The following SYT1 variants were observed in gnomAD, a reference collection of about 807,000 sequenced individuals.
SYT1 encodes synaptotagmin-1.
A neutral mutation model predicts 44.8 loss-of-function variants in SYT1; 8 were observed. That is an observed-to-expected ratio of 0.18 (90% CI 0.10 to 0.32). SYT1 has a LOEUF of 0.32. SYT1 is among the 10% of genes least tolerant of loss of function. SYT1 has a pLI of 1.00. For synonymous variants in SYT1, 154 were observed against 188.8 expected, an observed-to-expected ratio of 0.82 and a Z score of 1.51; for missense variants, 286 against 509.3, an observed-to-expected ratio of 0.56 and a Z score of 4.22.
In SYT1 at chr12:79,416,228, A is replaced by G. The variant is rs116347467; in HGVS notation, c.929-27845A>G. The stretch of plus-strand genomic sequence containing the variant: ...CAAGGCAGAGAAACAAGTTCAGGGA[A>G]TTGAATAAGAAACGGTGTCACAGTC... On this transcript the variant is annotated intron_variant, in intron 9 of 10. Coordinates refer to ENST00000261205, the MANE Select transcript of SYT1 (RefSeq NM_005639.3). 2.5e-3 allele frequency among the ~76,000 whole-genome samples: 377 copies of G among 152,312 alleles called. 1 individual carries two copies. The highest frequency in any genetic ancestry group is 8.7e-3 in the African/African-American group (362 of 41,578).
At position 79,299,370 on chromosome 12, in the gene SYT1, G is replaced by A; in HGVS notation, c.643-14G>A. 5 of 1,611,172 alleles carry A rather than the reference G, an allele frequency of 3.1e-6. No individual in the cohort carries two copies. The highest frequency in any genetic ancestry group is 4.2e-6 in the Non-Finnish European group (5 of 1,178,790). On this transcript the variant is annotated splice_polypyrimidine_tract_variant and intron_variant, in intron 7 of 10. Transcript: ENST00000261205. Reference sequence around the variant, plus strand: ...TTGTGACTGGATATTTTATCCTCATGTCTTTTAATTTAGGTACCATACTCG... The same window carrying A: ...TTGTGACTGGATATTTTATCCTCATATCTTTTAATTTAGGTACCATACTCG...
chr12:79,181,520 C>T (rs1308295497), intron 3 of SYT1, among the ~76,000 whole-genome samples: 2 of 151,236 alleles, frequency 1.3e-5, no homozygotes, highest in Non-Finnish European at 3.0e-5. Flanking sequence ...TTTTTTTCTT[C>T]CAGGGCCCCC....
At chr12:78,964,250 G>C (rs758840949) in intron 1 of SYT1, 1 of 152,122 alleles carries the variant, frequency 6.6e-6, no homozygotes, top group Non-Finnish European at 1.5e-5. Context: ...AGTATAATTT[G>C]AAAAGTTTTC....
chr12:79,043,764 C>A (rs1420803566), intron 2 of SYT1, among the ~76,000 whole-genome samples: 1 of 152,166 alleles, frequency 6.6e-6, no homozygotes, highest in Non-Finnish European at 1.5e-5. Flanking sequence ...GCGGCTGGTG[C>A]CAGTTGTTCC....
chr12:79,117,764 T>C (rs1389400644), intron 3 of SYT1, among the ~76,000 whole-genome samples: 1 of 140,892 alleles, frequency 7.1e-6, no homozygotes, highest in Admixed American at 7.3e-5. Context: ...CATTAACACA[T>C]GTAAGAGCTA....
intron 3 of SYT1, among the ~76,000 whole-genome samples, chr12:79,054,476 A>C (rs1874780427): frequency 2.6e-5 from 4 of 152,048 alleles, no homozygotes. Context: ...CCTAAAGGAG[A>C]AAAACAATAT....
chr12:79,027,439 G>T (rs1455791426), intron 2 of SYT1, among the ~76,000 whole-genome samples: 2 of 151,316 alleles, frequency 1.3e-5, no homozygotes, highest in South Asian at 2.1e-4. Flanking sequence ...TATTAAGGAG[G>T]TGTCAAAAAA....
intron 2 of SYT1, among the ~76,000 whole-genome samples, chr12:78,999,982 A>G (rs1448029095): frequency 1.3e-5 from 2 of 152,230 alleles, no homozygotes; most frequent in East Asian, 1.9e-4. Context: ...GTTCATGGAA[A>G]TATACAAAAT....
intron 1 of SYT1, among the ~76,000 whole-genome samples, chr12:78,941,514 C>A (rs1878375047): frequency 6.6e-6 from 1 of 151,782 alleles, no homozygotes; most frequent in African/African-American, 2.4e-5. Context: ...TATTTTACAT[C>A]TACTGCATGC....
At chr12:79,013,663 T>C (rs957013936) in intron 2 of SYT1, among the ~76,000 whole-genome samples, 2 of 152,144 alleles carry the variant, frequency 1.3e-5, no homozygotes, top group African/African-American at 4.8e-5. Context: ...AGTCCAGTTA[T>C]AGAAAACAAA....
intron 9 of SYT1, among the ~76,000 whole-genome samples, chr12:79,389,755 G>C (rs1884577748): frequency 6.6e-6 from 1 of 152,108 alleles, no homozygotes; most frequent in Non-Finnish European, 1.5e-5. Context: ...TCTACCATAA[G>C]CAGTAGCATG....
chr12:79,125,951 C>T (rs1868411845), intron 3 of SYT1, among the ~76,000 whole-genome samples: 1 of 152,116 alleles, frequency 6.6e-6, no homozygotes, highest in South Asian at 2.1e-4. Flanking sequence ...TGCAATGTAA[C>T]ATCTGTTTAT....
intron 1 of SYT1, among the ~76,000 whole-genome samples, chr12:78,884,617 A>T (rs1389334378): frequency 6.6e-6 from 1 of 151,426 alleles, no homozygotes; most frequent in African/African-American, 2.4e-5. Context: ...TCATAATCTT[A>T]GAATATTTTA....
chr12:79,002,934 C>G (rs1870837606), intron 2 of SYT1, among the ~76,000 whole-genome samples: 2 of 152,138 alleles, frequency 1.3e-5, no homozygotes, highest in South Asian at 4.1e-4. Flanking sequence ...CACCTTTCTT[C>G]CCTAAGGAGT....
Position 79,449,148 on chromosome 12 carries a change from T to G in SYT1, c.*24T>G. 1 of 1,576,268 alleles carries G rather than the reference T, an allele frequency of 6.3e-7. No individual in the cohort carries two copies. The highest frequency in any genetic ancestry group is 1.2e-5 in the South Asian group (1 of 86,916). ...AAAGGAAAGAAGAAGCCTTTCTGCA[T>G]TTGCCCATATAGTGCTCTTTAGCCA... On this transcript the variant is annotated 3_prime_UTR_variant, in exon 11 of 11. Coordinates refer to ENST00000261205, the MANE Select transcript of SYT1 (RefSeq NM_005639.3).
intron 3 of SYT1, among the ~76,000 whole-genome samples, chr12:79,201,259 G>A (rs1005172883): frequency 1.3e-5 from 2 of 152,120 alleles, no homozygotes; most frequent in East Asian, 1.9e-4. Context: ...GAGCCAATGA[G>A]AGATTCTAGC....
chr12:79,031,987 G>A (rs1872858027), intron 2 of SYT1, among the ~76,000 whole-genome samples: 1 of 150,966 alleles, frequency 6.6e-6, no homozygotes, highest in Non-Finnish European at 1.5e-5. Flanking sequence ...ATTATTTTAT[G>A]TCCTACATAA....
intron 3 of SYT1, among the ~76,000 whole-genome samples, chr12:79,142,210 A>T (rs1315142935): frequency 2.0e-5 from 3 of 152,254 alleles, no homozygotes; most frequent in African/African-American, 7.2e-5. Flanking sequence ...CAGCTCACTC[A>T]TATTACAGCA....
At chr12:79,297,521 C>A (rs1229931221) in intron 7 of SYT1, among the ~76,000 whole-genome samples, 1 of 151,952 alleles carries the variant, frequency 6.6e-6, no homozygotes, top group East Asian at 1.9e-4. Flanking sequence ...TTTTGTATTG[C>A]ATTACCTACA....
Sources: gnomAD v4.1 joint callset for allele counts (sites outside exome capture counted in the v4.1 genomes callset) on GRCh38, gnomAD v4.1.1 for gene constraint, MANE v1.5 for transcripts, NCBI Gene and HGNC (gene_info 2026-07-23, HGNC 2026-07-21) for gene names.